The following HDAC9 variants were observed in gnomAD, a reference collection of about 807,000 sequenced individuals.
HDAC9 encodes histone deacetylase 9.
Under a neutral mutation model 139.4 loss-of-function variants are expected in HDAC9, and 41 were observed. The ratio of observed to expected loss-of-function variants is 0.29; its 90% CI spans 0.23 to 0.38. HDAC9 has a LOEUF of 0.38. Among genes scored for constraint, HDAC9 ranks in the 10% least tolerant of loss-of-function variants. The probability of loss-of-function intolerance (pLI) is 1.00; values close to 1 mark genes in which losing one functional copy is unlikely to be tolerated. For synonymous variants in HDAC9, 517 were observed against 476.2 expected, an observed-to-expected ratio of 1.09 and a Z score of -1.12; for missense variants, 1,147 against 1,297.0, an observed-to-expected ratio of 0.88 and a Z score of 1.78.
chr7:18,322,015 T>A (rs1209090820), intron 1 of HDAC9, among the ~76,000 whole-genome samples: 1 of 152,162 alleles, frequency 6.6e-6, no homozygotes, highest in Admixed American at 6.5e-5. Context: ...AGATTTCTAG[T>A]GGAATAAATG....
chr7:18,453,361 A>G (rs941028884), intron 1 of HDAC9, among the ~76,000 whole-genome samples: 3 of 152,230 alleles, frequency 2.0e-5, no homozygotes, highest in African/African-American at 7.2e-5. Context: ...GCTAAAATCC[A>G]TTTAGTTAAA....
rs1817017998 is a variant in HDAC9, at chr7:18,551,227, G to A, written c.23-34054G>A. ...GGAGCAGGTTTGAGGGGGAATGTCA[G>A]GAGATCTTTTTTTAGATATGGTAAC... is the stretch of plus-strand genomic sequence containing the variant. On this transcript the variant is annotated intron_variant, in intron 2 of 25. Coordinates refer to ENST00000686413, the MANE Select transcript of HDAC9 (RefSeq NM_178425.4). Among the ~76,000 whole-genome samples, 4 of 152,128 alleles carry A rather than the reference G, an allele frequency of 2.6e-5. No homozygotes were observed. In the South Asian group the frequency reaches 8.3e-4, roughly 31 times the overall value.
chr7:18,344,484 C>T (rs780517491), intron 1 of HDAC9, among the ~76,000 whole-genome samples: 9 of 151,938 alleles, frequency 5.9e-5, no homozygotes, highest in Non-Finnish European at 1.3e-4. Flanking sequence ...GTGACTGTTT[C>T]ATAGCACTTA....
chr7:18,907,873 G>T (rs1413275207), intron 22 of HDAC9, among the ~76,000 whole-genome samples: 1 of 151,978 alleles, frequency 6.6e-6, no homozygotes, highest in Non-Finnish European at 1.5e-5. Context: ...CCTAGAATTG[G>T]ATCTGATTAA....
intron 22 of HDAC9, among the ~76,000 whole-genome samples, chr7:18,896,241 T>A (rs997709138): frequency 6.6e-6 from 1 of 152,142 alleles, no homozygotes; most frequent in African/African-American, 2.4e-5. Context: ...TATAGAAATA[T>A]TTCTGCTTAC....
chr7:18,114,558 C>T (rs1157938193), intron 1 of HDAC9, among the ~76,000 whole-genome samples: 3 of 152,180 alleles, frequency 2.0e-5, no homozygotes, highest in African/African-American at 7.2e-5. Flanking sequence ...TGACCTCCAT[C>T]TAGACTATTT....
At chr7:18,613,033 T>C (rs907379834) in intron 6 of HDAC9, among the ~76,000 whole-genome samples, 2 of 149,340 alleles carry the variant, frequency 1.3e-5, no homozygotes, top group African/African-American at 4.9e-5. Flanking sequence ...TAATTAGATA[T>C]ATTTATATAT....
intron 12 of HDAC9, among the ~76,000 whole-genome samples, chr7:18,678,644 T>C (rs575874751): frequency 2.0e-5 from 3 of 152,056 alleles, no homozygotes; most frequent in African/African-American, 7.2e-5. Flanking sequence ...AATATAGATA[T>C]GTTTTCCATT....
chr7:18,636,419 C>T (rs1455377200), intron 8 of HDAC9, among the ~76,000 whole-genome samples: 2 of 151,996 alleles, frequency 1.3e-5, no homozygotes, highest in African/African-American at 4.8e-5. Context: ...AAGCTGTTAA[C>T]TTGACTTATC....
intron 16 of HDAC9, among the ~76,000 whole-genome samples, chr7:18,784,267 C>T (rs999883280): frequency 1.3e-5 from 2 of 151,892 alleles, no homozygotes; most frequent in Admixed American, 6.6e-5. Flanking sequence ...TCTTTTCTTT[C>T]GTGTCTCACC....
chr7:18,357,129 T>C lies in HDAC9; in HGVS notation c.-42+66614T>C, dbSNP rs1477541062. 4.6e-5 allele frequency among the ~76,000 whole-genome samples: 7 copies of C among 152,170 alleles called. No individual in the cohort carries two copies. In the East Asian group the frequency reaches 7.7e-4, roughly 17 times the overall value. ...CATTCTAGGATCTTATAGAATCTTA[T>C]AGGATTTATTGGAGTTGATTTTAGT... On this transcript the variant is annotated intron_variant, in intron 1 of 3. Transcript: ENST00000413509.
At chr7:18,511,030 T>C (rs1801347002) in intron 2 of HDAC9, among the ~76,000 whole-genome samples, 1 of 152,182 alleles carries the variant, frequency 6.6e-6, no homozygotes, top group Admixed American at 6.5e-5. Context: ...TTTTACAGCA[T>C]AGGTGTTGAA....
At chr7:18,597,044 C>G (rs1178689785) in intron 6 of HDAC9, among the ~76,000 whole-genome samples, 1 of 152,098 alleles carries the variant, frequency 6.6e-6, no homozygotes, top group Non-Finnish European at 1.5e-5. Context: ...ACAGAAACCT[C>G]ATTTGCCTGC....
At chr7:18,214,846 A>T (rs148548902) in intron 2 of HDAC9, among the ~76,000 whole-genome samples, 1 of 152,156 alleles carries the variant, frequency 6.6e-6, no homozygotes, top group South Asian at 2.1e-4. Flanking sequence ...CCTCTTTGTT[A>T]TGGTTCTGTC....
intron 2 of HDAC9, among the ~76,000 whole-genome samples, chr7:18,163,191 A>C (rs1264521118): frequency 6.6e-6 from 1 of 152,142 alleles, no homozygotes. Context: ...GCCACACCCA[A>C]GTTAGCTGTT....
In HDAC9 at chr7:18,793,461, C is replaced by T. The variant is rs375171054; in HGVS notation, c.2322+9C>T. The T allele has an allele frequency of 1.4e-5, 21 of 1,519,444 alleles. No homozygotes were observed. Among genetic ancestry groups the T allele is most frequent in the Admixed American group, 3.8e-5 (2 of 52,082 alleles). The allele number at this position is 1,519,444 out of a possible 1,614,324, so 94.1% of individuals were successfully genotyped here. ...CCTCAGGAGAGCTGAAGGTGAGGTC[C>T]GGGTTGCATTAAGTGTGGGAAATCC... On this transcript the variant is annotated intron_variant, in intron 17 of 25. Transcript: ENST00000686413.
chr7:18,949,085 T>A (rs1035724852), intron 23 of HDAC9: 4 of 341,416 alleles, frequency 1.2e-5, no homozygotes, highest in African/African-American at 8.9e-5. Flanking sequence ...TTTGGGAGGG[T>A]TTTTTTTCTG....
At chr7:18,919,461 T>G (rs1268636818) in intron 22 of HDAC9, among the ~76,000 whole-genome samples, 3 of 152,064 alleles carry the variant, frequency 2.0e-5, no homozygotes, top group Admixed American at 6.6e-5. Context: ...ACATAAGTCT[T>G]ACAATGTTAG....
chr7:18,195,871 A>G (rs574915709), intron 2 of HDAC9, among the ~76,000 whole-genome samples: 1 of 152,060 alleles, frequency 6.6e-6, no homozygotes, highest in Non-Finnish European at 1.5e-5. Flanking sequence ...CATCATCCCT[A>G]TTCCTTTGTA....
Sources: gnomAD v4.1 joint callset for allele counts (sites outside exome capture counted in the v4.1 genomes callset) on GRCh38, gnomAD v4.1.1 for gene constraint, MANE v1.5 for transcripts, NCBI Gene and HGNC (gene_info 2026-07-23, HGNC 2026-07-21) for gene names.